LRRC74A: variants seen among roughly 807,000 people sequenced by gnomAD.
The protein encoded by LRRC74A is leucine-rich repeat-containing protein 74A.
In LRRC74A, 44 loss-of-function variants were observed where a neutral mutation model predicts 57.9. The observed-to-expected ratio is 0.76, with a 90% CI of 0.60 to 0.98. The LOEUF (loss-of-function observed/expected upper bound fraction) is 0.98. LRRC74A is among the 50% of genes least tolerant of loss of function. LRRC74A has a pLI of 0.00. For missense variants in LRRC74A, 572 were observed against 574.0 expected (o/e 1.00, Z 0.04); for synonymous variants, 211 against 219.4 (o/e 0.96, Z 0.34).
chr14:76,864,592 G>A (rs1898620310), intron 11 of LRRC74A, among the ~76,000 whole-genome samples: 2 of 152,224 alleles, frequency 1.3e-5, no homozygotes, highest in Non-Finnish European at 1.5e-5. Context: ...AGTAGCTCAT[G>A]CCTGTAATCC....
At chr14:76,832,282 C>T (rs1896026332) in intron 3 of LRRC74A, among the ~76,000 whole-genome samples, 2 of 152,120 alleles carry the variant, frequency 1.3e-5, no homozygotes, top group East Asian at 1.9e-4. Flanking sequence ...GAAAGGAACC[C>T]TTCCATCCAT....
chr14:76,836,675 C>T (rs1402704918), intron 4 of LRRC74A, among the ~76,000 whole-genome samples: 1 of 150,566 alleles, frequency 6.6e-6, no homozygotes, highest in East Asian at 1.9e-4. Flanking sequence ...GGTGTAATCC[C>T]AGCTACTTAG....
At position 76,869,731 on chromosome 14, in the gene LRRC74A, C is replaced by T. The variant is rs1899284056; in HGVS notation, c.1392-394C>T. ...GAGCTGAGATCGCACCATTGCACTA[C>T]AGCCTGGGTGACAGAGTAAGACTCC... is the stretch of plus-strand genomic sequence containing the variant. On this transcript the variant is annotated intron_variant, in intron 13 of 13. Coordinates refer to ENST00000689127, the MANE Select transcript of LRRC74A (RefSeq NM_001385106.1). 2.1e-5 allele frequency among the ~76,000 whole-genome samples: 3 copies of T among 145,458 alleles called. No individual in the cohort carries two copies. In the South Asian group the frequency reaches 6.4e-4, roughly 31 times the overall value.
intron 2 of LRRC74A, among the ~76,000 whole-genome samples, chr14:76,829,357 A>G (rs1195396908): frequency 1.3e-5 from 2 of 152,130 alleles, no homozygotes; most frequent in Non-Finnish European, 2.9e-5. Flanking sequence ...TACAACATAC[A>G]TCTTCACCCT....
At chr14:76,862,505 C>A (rs559953931) in intron 11 of LRRC74A, among the ~76,000 whole-genome samples, 1 of 150,646 alleles carries the variant, frequency 6.6e-6, no homozygotes, top group African/African-American at 2.4e-5. Flanking sequence ...CCACTGCACT[C>A]CAGCCTGGGC....
At chr14:76,826,921 C>T (rs1895616519) in intron 1 of LRRC74A, among the ~76,000 whole-genome samples, 187 bp downstream of exon 1, 1 of 152,212 alleles carries the variant, frequency 6.6e-6, no homozygotes. Context: ...AGTGCTATGC[C>T]ACAACTACCT....
intron 11 of LRRC74A, among the ~76,000 whole-genome samples, 154 bp from the exon 12 acceptor site, chr14:76,865,814 C>T (rs1049675128): frequency 2.0e-5 from 3 of 152,236 alleles, no homozygotes; most frequent in African/African-American, 7.2e-5. Flanking sequence ...ACACCCAACA[C>T]CCGGGAGACG....
intron 3 of LRRC74A, among the ~76,000 whole-genome samples, chr14:76,834,729 C>T (rs1339681336): frequency 6.6e-6 from 1 of 152,160 alleles, no homozygotes; most frequent in Non-Finnish European, 1.5e-5. Flanking sequence ...CTCCTGCTTC[C>T]CCCTGGAATG....
chr14:76,856,356 A>T (rs1343173904), intron 9 of LRRC74A, among the ~76,000 whole-genome samples: 2 of 152,078 alleles, frequency 1.3e-5, no homozygotes, highest in African/African-American at 2.4e-5. Context: ...TGCTGTCATA[A>T]CACTTCTGAT....
chr14:76,848,591 A>G (rs1392306968), intron 7 of LRRC74A, among the ~76,000 whole-genome samples: 3 of 152,180 alleles, frequency 2.0e-5, no homozygotes, highest in Non-Finnish European at 4.4e-5. Flanking sequence ...AGAAAATAGG[A>G]TGCAAAGCAA....
At position 76,860,847 on chromosome 14, in the gene LRRC74A, C is replaced by T; in HGVS notation, c.1200+8C>T. ...CCCATGAAACTGATCCAGGTGAGCT[C>T]CTGCCTTCCTCTCAGGGCCTCCAGG... On this transcript the variant is annotated splice_region_variant and intron_variant, in intron 11 of 13. Coordinates refer to ENST00000689127, the MANE Select transcript of LRRC74A (RefSeq NM_001385106.1). 1.3e-6 allele frequency: 2 copies of T among 1,589,730 alleles called. No individual in the cohort carries two copies. Among genetic ancestry groups the T allele is most frequent in the African/African-American group, 2.7e-5 (2 of 74,368 alleles).
chr14:76,838,404 T>G (rs1896518176), intron 5 of LRRC74A, among the ~76,000 whole-genome samples: 1 of 152,204 alleles, frequency 6.6e-6, no homozygotes. Flanking sequence ...GTCACTGATA[T>G]TAAAGACTGA....
chr14:76,845,786 C>T (rs1202539150), intron 7 of LRRC74A, among the ~76,000 whole-genome samples: 2 of 152,202 alleles, frequency 1.3e-5, no homozygotes, highest in Non-Finnish European at 1.5e-5. Context: ...TTCGGGAGGC[C>T]GAGGTGGGCA....
In LRRC74A at chr14:76,826,745, A is replaced by T. The variant is rs1214248323; in HGVS notation, c.37+11A>T. 2 of 1,490,866 alleles carry T rather than the reference A, an allele frequency of 1.3e-6. No homozygotes were observed. Among genetic ancestry groups the T allele is most frequent in the South Asian group, 2.4e-5 (2 of 82,788 alleles). The allele number at this position is 1,490,866 out of a possible 1,614,324, so 92.4% of individuals were successfully genotyped here. On this transcript the variant is annotated intron_variant, in intron 1 of 13. Coordinates refer to ENST00000689127, the MANE Select transcript of LRRC74A (RefSeq NM_001385106.1). ...AGCCTGAGACAGAAGGTGAAAGGGC[A>T]TCCCATCTCTCACCACTCAGGCCCG...
In LRRC74A at chr14:76,826,513, A is replaced by G. The variant is rs762477739; in HGVS notation, c.-185A>G. ...TCAAATTCATGCACATCCAATTCCC[A>G]TCAAAGCCTACTCTTCCCAGGGCTT... On this transcript the variant is annotated 5_prime_UTR_variant, in exon 1 of 14. Coordinates refer to ENST00000689127, the MANE Select transcript of LRRC74A (RefSeq NM_001385106.1). 1.9e-6 allele frequency: 3 copies of G among 1,600,336 alleles called. No individual in the cohort carries two copies. Among genetic ancestry groups the G allele is most frequent in the Non-Finnish European group, 2.6e-6 (3 of 1,173,264 alleles).
intron 11 of LRRC74A, among the ~76,000 whole-genome samples, chr14:76,864,633 C>T (rs1898625409): frequency 6.6e-6 from 1 of 152,074 alleles, no homozygotes; most frequent in South Asian, 2.1e-4. Context: ...GTGGAAGGAT[C>T]ACTTGAGGTC....
intron 13 of LRRC74A, among the ~76,000 whole-genome samples, chr14:76,867,814 G>A (rs76478042): frequency 0.014 from 2,100 of 152,258 alleles, 51 homozygotes; most frequent in African/African-American, 0.048. Flanking sequence ...AGGAAGTGTC[G>A]CTCAGGCGGG....
chr14:76,849,452 G>A (rs764799615), intron 7 of LRRC74A, among the ~76,000 whole-genome samples: 4 of 151,372 alleles, frequency 2.6e-5, no homozygotes, highest in Admixed American at 6.6e-5. Context: ...CCACTGCCCC[G>A]GGCCTGTGCT....
intron 11 of LRRC74A, among the ~76,000 whole-genome samples, chr14:76,863,185 A>AGTGTGTGTGT (rs112669509): frequency 0.025 from 3,682 of 145,276 alleles, 74 homozygotes; most frequent in African/African-American, 0.041. Context: ...CATGCATGTG[A>AGTGTGTGTGT]GTGTGTGTGT....
Sources: gnomAD v4.1 joint callset for allele counts (sites outside exome capture counted in the v4.1 genomes callset) on GRCh38, gnomAD v4.1.1 for gene constraint, MANE v1.5 for transcripts, NCBI Gene and HGNC (gene_info 2026-07-23, HGNC 2026-07-21) for gene names.